Variants in MRC2 observed in about 807,000 individuals in gnomAD.
MRC2 encodes the protein mannose receptor C-type 2, also known as C-type mannose receptor 2.
A neutral mutation model predicts 206.2 loss-of-function variants in MRC2; 84 were observed. That is an observed-to-expected ratio of 0.41 (90% confidence interval 0.34 to 0.49). The LOEUF (loss-of-function observed/expected upper bound fraction) is 0.49. MRC2 is among the 20% of genes least tolerant of loss of function. The pLI is 0.31. For missense variants in MRC2, 1,676 were observed against 2,001.5 expected (o/e 0.84, Z 3.10); for synonymous variants, 798 against 800.0 (o/e 1.00, Z 0.04).
At chr17:62,632,781 C>G (rs2088260971) in intron 1 of MRC2, among the ~76,000 whole-genome samples, 1 of 152,144 alleles carries the variant, frequency 6.6e-6, no homozygotes, top group South Asian at 2.1e-4. Context: ...TGGGTGGCCT[C>G]TCTGTTTATC....
Position 62,666,420 on chromosome 17 carries a change from AG to A in MRC2, c.695-30del. The A allele has an allele frequency of 6.2e-7, 1 of 1,612,940 alleles. No individual in the cohort carries two copies. The highest frequency in any genetic ancestry group is 8.5e-7 in the Non-Finnish European group (1 of 1,179,790). Reference sequence around the variant, plus strand: ...GGTCTGCACTCCCGAGGGACCCTGGAGGGGGCCTGAAGGAGAGGGCTGTCGT... The same window carrying A: ...GGTCTGCACTCCCGAGGGACCCTGGAGGGGCCTGAAGGAGAGGGCTGTCGT... On this transcript the variant is annotated intron_variant, in intron 3 of 29. Coordinates refer to ENST00000303375, the MANE Select transcript of MRC2 (RefSeq NM_006039.5). This position sits in a 1 kb window ranked among gnomAD's most constrained non-coding sequence, Gnocchi z 5.0.
In MRC2 at chr17:62,667,423, G is replaced by C; in HGVS notation, c.1007G>C (p.Gly336Ala). 6.2e-7 allele frequency: 1 copy of C among 1,611,930 alleles called. No homozygotes were observed. Among genetic ancestry groups the C allele is most frequent in the Non-Finnish European group, 8.5e-7 (1 of 1,179,522 alleles). Residue 336 changes from glycine (G) to alanine (A), a missense_variant, in exon 6 of 30, where the codon GGA becomes GCA. This residue lies in a region of MRC2 where 1,354 missense variants were observed against 1,636.6 expected (regional missense o/e 0.83). Transcript: ENST00000303375. This position sits in a 1 kb window ranked among gnomAD's most constrained non-coding sequence, Gnocchi z 4.1. ...GACAACCCCAGTGAGGAGAACTGTG[G>C]AGTGATCCGCACTGAGTCCTCGGGC... ...QPDNPSEENC[G>A]VIRTESSGGW...
At position 62,692,241 on chromosome 17, in the gene MRC2, G is replaced by A. The variant is rs1363278518; in HGVS notation, c.4230G>A (p.Glu1410=). Residue 1410 remains glutamate (E), a synonymous_variant, in exon 30 of 30, where the codon GAG becomes GAA. Coordinates refer to ENST00000303375, the MANE Select transcript of MRC2 (RefSeq NM_006039.5). The surrounding 1 kb of genome is among the most constrained non-coding windows in gnomAD (Gnocchi z 4.2). ...CACTCGCCTTGGCAGCGCTTCCAGA[G>A]AACCCAGCGGCCCTGGTGGTGGTGC... The part of the protein sequence containing the change: ...QSSFSPSALP[E]NPAALVVVLM... 3.1e-6 allele frequency: 5 copies of A among 1,610,628 alleles called. No homozygotes were observed. The African/African-American group carries it at 6.7e-5, about 22-fold the overall frequency.
At chr17:62,686,545 C>T (rs566152293) in intron 20 of MRC2, among the ~76,000 whole-genome samples, 27 of 152,286 alleles carry the variant, frequency 1.8e-4, no homozygotes, top group Middle Eastern at 3.4e-3. Flanking sequence ...AATGCCCCTT[C>T]GCCCCGCTGC....
chr17:62,692,080 A>G lies in MRC2; in HGVS notation c.4193-32A>G, dbSNP rs756618930. On this transcript the variant is annotated intron_variant, in intron 28 of 29. Transcript: ENST00000303375. This position sits in a 1 kb window ranked among gnomAD's most constrained non-coding sequence, Gnocchi z 4.2. ...AGTGATTATTACGATGATCACTGCT[A>G]TTATTAACTGGCCCCCTCCTCTTGC... 5 of 1,614,126 alleles carry G rather than the reference A, an allele frequency of 3.1e-6. No homozygotes were observed. The highest frequency in any genetic ancestry group is 2.2e-5 in the East Asian group (1 of 44,878).
chr17:62,638,316 T>G (rs1265472703), intron 1 of MRC2, among the ~76,000 whole-genome samples: 2 of 151,952 alleles, frequency 1.3e-5, no homozygotes, highest in African/African-American at 4.8e-5. Context: ...GGTTTTAAAT[T>G]AAAATAAACA....
rs199691237 is a variant in MRC2 at position 62,688,696 on chromosome 17, C to T, written c.3225+32C>T. Reference sequence around the variant, plus strand: ...ATGCCCTCCCTGTTCCCCTCCGCACCGCGCTGCCCTAAGCCTGTGGGGCTG... The same window carrying T: ...ATGCCCTCCCTGTTCCCCTCCGCACTGCGCTGCCCTAAGCCTGTGGGGCTG... On this transcript the variant is annotated intron_variant, in intron 22 of 29. Coordinates refer to ENST00000303375, the MANE Select transcript of MRC2 (RefSeq NM_006039.5). The T allele has an allele frequency of 8.0e-5, 129 of 1,609,004 alleles. 2 individuals carry two copies. In the East Asian group the frequency reaches 2.2e-3, roughly 27 times the overall value.
intron 24 of MRC2, 33 bp downstream of exon 24, chr17:62,689,793 G>C: frequency 5.9e-6 from 9 of 1,529,678 alleles, no homozygotes; most frequent in Non-Finnish European, 7.9e-6. Flanking sequence ...CTGGGCCCCA[G>C]CCTTGCCCGG....
intron 1 of MRC2, among the ~76,000 whole-genome samples, chr17:62,641,192 G>T (rs1176984704): frequency 6.6e-6 from 1 of 151,506 alleles, no homozygotes; most frequent in Non-Finnish European, 1.5e-5. Flanking sequence ...GGGTGCGATG[G>T]CTCATGCCCG....
chr17:62,664,850 A>G lies in MRC2; in HGVS notation c.421A>G (p.Ile141Val). 1 of 1,613,780 alleles carries G rather than the reference A, an allele frequency of 6.2e-7. No individual in the cohort carries two copies. The highest frequency in any genetic ancestry group is 8.5e-7 in the Non-Finnish European group (1 of 1,180,026). Reference protein sequence around the residue: ...SLLLGARTSNISKPGTLERGD... With the variant: ...SLLLGARTSNVSKPGTLERGD... ...GCTCCTGGGGGCCCGCACCAGCAACATATCCAAGCCTGGCACCCTTGAGCG... is the reference window on the plus strand; with the variant it reads ...GCTCCTGGGGGCCCGCACCAGCAACGTATCCAAGCCTGGCACCCTTGAGCG... Residue 141 changes from isoleucine to valine, a missense_variant, in exon 2 of 30, where the codon ATA becomes GTA. By Grantham distance (29) the Ile-to-Val change is conservative. Coordinates refer to ENST00000303375, the MANE Select transcript of MRC2 (RefSeq NM_006039.5). The surrounding 1 kb of genome is among the most constrained non-coding windows in gnomAD (Gnocchi z 4.7).
At position 62,688,515 on chromosome 17, in the gene MRC2, A is replaced by G; in HGVS notation, c.3076A>G (p.Ser1026Gly). Residue 1026 changes from serine to glycine, a missense_variant, in exon 22 of 30, where the codon AGC (serine) becomes GGC (glycine). Transcript: ENST00000303375. The stretch of plus-strand genomic sequence containing the variant: ...GGGGACCATAGCATTCATCACAGCC[A>G]GCCTGCCCAATGTGACCTTTGACCT... ...NPLEQAFITA[S>G]LPNVTFDLWI... 1.2e-6 allele frequency: 2 copies of G among 1,614,240 alleles called. No individual in the cohort carries two copies. The highest frequency in any genetic ancestry group is 1.7e-6 in the Non-Finnish European group (2 of 1,180,040).
rs145227202 is a variant in MRC2 at position 62,678,781 on chromosome 17, T to C, written c.2195+135T>C. On this transcript the variant is annotated intron_variant, in intron 13 of 29. Transcript: ENST00000303375. ...GGGTGACCCCAGGGAGGCCTGCATC[T>C]GCTGCTGGTGCCAGGACCATCTTGT... 1.0e-3 allele frequency: 1,266 copies of C among 1,262,736 alleles called. 13 individuals carry two copies. In the African/African-American group the frequency reaches 0.017, roughly 17 times the overall value. The allele number at this position is 1,262,736 out of a possible 1,614,324, so 78.2% of individuals were successfully genotyped here.
rs1321208769 is a variant in MRC2, at chr17:62,680,333, C to T, written c.2437+25C>T. 2 of 1,613,416 alleles carry T rather than the reference C, an allele frequency of 1.2e-6. No individual in the cohort carries two copies. Among genetic ancestry groups the T allele is most frequent in the Admixed American group, 1.7e-5 (1 of 60,000 alleles). On this transcript the variant is annotated intron_variant, in intron 15 of 29. Coordinates refer to ENST00000303375, the MANE Select transcript of MRC2 (RefSeq NM_006039.5). This position sits in a 1 kb window ranked among gnomAD's most constrained non-coding sequence, Gnocchi z 4.8. ...GGTTGGCCGGAGTGGCGCTGGGGGA[C>T]GCGGGATGGAGCGAAGGGTGGCGGG...
At position 62,664,022 on chromosome 17, in the gene MRC2, G is replaced by C. The variant is rs372012484; in HGVS notation, c.119-526G>C. ...TCGCCCAGGCTGGAGTGCAGTGGCG[G>C]GATCTCGGCTCACTGCAAGCTCCGC... On this transcript the variant is annotated intron_variant, in intron 1 of 29. Transcript: ENST00000303375. This position sits in a 1 kb window ranked among gnomAD's most constrained non-coding sequence, Gnocchi z 4.7. 1.5e-4 allele frequency among the ~76,000 whole-genome samples: 22 copies of C among 149,084 alleles called. No individual in the cohort carries two copies. Among genetic ancestry groups the C allele is most frequent in the East Asian group, 9.8e-4 (5 of 5,082 alleles).
chr17:62,656,173 A>T (rs1423324518), intron 1 of MRC2, among the ~76,000 whole-genome samples: 1 of 152,132 alleles, frequency 6.6e-6, no homozygotes, highest in Non-Finnish European at 1.5e-5. Context: ...CAGCCTCCTG[A>T]GTAGTTGGGA....
chr17:62,691,828 A>G (rs193267718), intron 28 of MRC2, among the ~76,000 whole-genome samples: 18 of 151,250 alleles, frequency 1.2e-4, no homozygotes, highest in Non-Finnish European at 2.1e-4. Context: ...TGAAGCTAGT[A>G]AAGATGAGGT....
chr17:62,645,420 A>G (rs2088462704), intron 1 of MRC2, among the ~76,000 whole-genome samples: 1 of 148,066 alleles, frequency 6.8e-6, no homozygotes, highest in African/African-American at 2.5e-5. Context: ...ATATATATAT[A>G]TGTGATATAT....
chr17:62,690,600 C>A (rs779957070), intron 26 of MRC2, 42 bp from the exon 27 acceptor site: 77 of 1,525,038 alleles, frequency 5.0e-5, no homozygotes, highest in Non-Finnish European at 6.8e-5. Context: ...CTGCCCCCCC[C>A]GGAGACCCAT....
intron 1 of MRC2, among the ~76,000 whole-genome samples, chr17:62,641,201 C>T (rs1184054075): frequency 1.3e-5 from 2 of 150,650 alleles, no homozygotes; most frequent in Admixed American, 1.3e-4. Flanking sequence ...GGCTCATGCC[C>T]GTAATCCCAG....
Sources: gnomAD v4.1 joint callset for allele counts (sites outside exome capture counted in the v4.1 genomes callset) on GRCh38, gnomAD v4.1.1 for gene constraint, gnomAD v4.1.1 regional missense constraint, Gnocchi (gnomAD v3.1) non-coding constraint, MANE v1.5 for transcripts, NCBI Gene and HGNC (gene_info 2026-07-23, HGNC 2026-07-21) for gene names.